KRCC1: variants seen among roughly 807,000 people sequenced by gnomAD.
The protein encoded by KRCC1 is lysine-rich coiled-coil protein 1.
KRCC1 carries 3 observed loss-of-function variants against 7.4 expected under a neutral mutation model. That is an observed-to-expected ratio of 0.40 (90% CI 0.18 to 1.04). The LOEUF (loss-of-function observed/expected upper bound fraction) is 1.04, where lower values mean the gene tolerates loss of function less well. Among genes scored for constraint, KRCC1 ranks in the 50% least tolerant of loss-of-function variants. KRCC1 has a pLI of 0.33. For missense variants in KRCC1, 277 were observed against 300.9 expected, an observed-to-expected ratio of 0.92 and a Z score of 0.59; for synonymous variants, 102 against 101.6, an observed-to-expected ratio of 1.00 and a Z score of -0.02.
At chr2:88,043,684 A>G (rs1219631563) in intron 1 of KRCC1, among the ~76,000 whole-genome samples, 3 of 152,188 alleles carry the variant, frequency 2.0e-5, no homozygotes, top group Non-Finnish European at 4.4e-5. Context: ...TAACTTTTTT[A>G]TGGAGATGAA....
Position 88,031,999 on chromosome 2 carries a change from T to C in KRCC1, c.-23+2135A>G, listed in dbSNP as rs1431589886. On this transcript the variant is annotated intron_variant, in intron 3 of 3. Transcript: ENST00000347055. Reference sequence around the variant, plus strand: ...CTCTAGTAATAATACAAAAATTAGCTGGGTGTGGTGTGGGCACCTGTAATC... The same window carrying C: ...CTCTAGTAATAATACAAAAATTAGCCGGGTGTGGTGTGGGCACCTGTAATC... Among the ~76,000 whole-genome samples the C allele has an allele frequency of 2.6e-5, 4 of 151,558 alleles. No homozygotes were observed. In the South Asian group the frequency reaches 8.3e-4, roughly 32 times the overall value.
intron 1 of KRCC1, among the ~76,000 whole-genome samples, chr2:88,054,466 A>G (rs1361253196): frequency 6.6e-6 from 1 of 152,090 alleles, no homozygotes; most frequent in East Asian, 1.9e-4. Context: ...TTTCTCAAGG[A>G]CCTGAAAGCC....
intron 1 of KRCC1, among the ~76,000 whole-genome samples, chr2:88,044,863 AT>A (rs11302450): frequency 0.49 from 51,189 of 105,482 alleles, 11,037 homozygotes; most frequent in East Asian, 0.65. Flanking sequence ...GAGTTTGATA[AT>A]TTTTTTTTTT....
rs1348843861 is a variant in KRCC1, at chr2:88,027,873, C to T, written c.691G>A (p.Glu231Lys). 1 of 1,613,540 alleles carries T rather than the reference C, an allele frequency of 6.2e-7. No individual in the cohort carries two copies. Among genetic ancestry groups the T allele is most frequent in the Admixed American group, 1.7e-5 (1 of 59,920 alleles). Residue 231 changes from glutamate (E) to lysine (K), a missense_variant, in exon 4 of 4, where the codon GAA becomes AAA. Coordinates refer to ENST00000347055, the MANE Select transcript of KRCC1 (RefSeq NM_016618.3). ...TTTTTCTTTTTTGTACGCTTACGTT[C>T]CTCTTTCTTAGAGACTACATCTCGG... Reference protein sequence around the residue: ...KSRDVVSKKEERKRTKKKKEQ... With the variant: ...KSRDVVSKKEKRKRTKKKKEQ...
At chr2:88,052,659 T>C (rs1423585358) in intron 1 of KRCC1, among the ~76,000 whole-genome samples, 1 of 152,242 alleles carries the variant, frequency 6.6e-6, no homozygotes, top group Non-Finnish European at 1.5e-5. Context: ...GATGACCAGT[T>C]ATAAAGCTAG....
At chr2:88,048,546 CT>C (rs932439241) in intron 1 of KRCC1, among the ~76,000 whole-genome samples, 3 of 152,164 alleles carry the variant, frequency 2.0e-5, no homozygotes, top group Non-Finnish European at 1.5e-5. Context: ...AGAACTTGTA[CT>C]TTACTCCCCT....
chr2:88,027,391 AAACC>A lies in KRCC1; in HGVS notation c.*389_*392del. 1 of 161,636 alleles carries A rather than the reference AAACC, an allele frequency of 6.2e-6. No individual in the cohort carries two copies. 10.0% of individuals were successfully genotyped at this position (161,636 alleles called of 1,614,324 possible). On this transcript the variant is annotated 3_prime_UTR_variant, in exon 4 of 4. Coordinates refer to ENST00000347055, the MANE Select transcript of KRCC1 (RefSeq NM_016618.3). ...GAGAAAAAAATTGCTTCACAGAGAAAAACCAATGAACATAAAATACCCAACTCAA... is the reference window on the plus strand; with the variant it reads ...GAGAAAAAAATTGCTTCACAGAGAAAAATGAACATAAAATACCCAACTCAA...
At chr2:88,048,159 A>G (rs970269073) in intron 1 of KRCC1, among the ~76,000 whole-genome samples, 6 of 149,424 alleles carry the variant, frequency 4.0e-5, no homozygotes, top group African/African-American at 1.2e-4. Flanking sequence ...CTCGGCTCAC[A>G]GCAACCTTCA....
At chr2:88,031,644 A>T (rs1173141525) in intron 3 of KRCC1, among the ~76,000 whole-genome samples, 4 of 151,318 alleles carry the variant, frequency 2.6e-5, no homozygotes, top group African/African-American at 7.3e-5. Flanking sequence ...AAATAAAAAT[A>T]AAAAAAAAGT....
intron 1 of KRCC1, among the ~76,000 whole-genome samples, chr2:88,052,272 T>C (rs1237433073): frequency 2.6e-5 from 4 of 152,378 alleles, no homozygotes; most frequent in African/African-American, 9.6e-5. Context: ...CTTTGCATCA[T>C]GTCCAATACT....
At chr2:88,050,866 GATTA>G (rs758654484) in intron 1 of KRCC1, among the ~76,000 whole-genome samples, 22 of 150,526 alleles carry the variant, frequency 1.5e-4, no homozygotes, top group South Asian at 4.2e-4. Flanking sequence ...GGATTTTTGT[GATTA>G]ATTTTTTCCA....
chr2:88,033,657 TTTTAC>T (rs1413412040), intron 3 of KRCC1, among the ~76,000 whole-genome samples: 1 of 152,204 alleles, frequency 6.6e-6, no homozygotes, highest in Non-Finnish European at 1.5e-5. Flanking sequence ...AATAAAAAGA[TTTTAC>T]TTTACATCTA....
chr2:88,029,564 T>A (rs1214244538), intron 3 of KRCC1, among the ~76,000 whole-genome samples: 1 of 151,986 alleles, frequency 6.6e-6, no homozygotes, highest in African/African-American at 2.4e-5. Flanking sequence ...GAAAAAAGCA[T>A]TCTAGAATGT....
intron 3 of KRCC1, 57 bp from the exon 4 acceptor site, chr2:88,028,642 C>T (rs867323053): frequency 7.9e-5 from 54 of 682,152 alleles, no homozygotes; most frequent in Admixed American, 4.9e-4. Context: ...ATTTCCTTTG[C>T]TCTTTTTTTT....
At chr2:88,037,394 A>T (rs556156295) in intron 1 of KRCC1, among the ~76,000 whole-genome samples, 1 of 152,188 alleles carries the variant, frequency 6.6e-6, no homozygotes, top group Admixed American at 6.5e-5. Context: ...CGATTTTAAG[A>T]CAGCTAATGA....
At chr2:88,053,372 G>A in intron 1 of KRCC1, among the ~76,000 whole-genome samples, 1 of 148,448 alleles carries the variant, frequency 6.7e-6, no homozygotes, top group African/African-American at 2.4e-5. Flanking sequence ...CATATTTAAA[G>A]TCATTGCAAA....
At chr2:88,039,071 A>G (rs1174686602) in intron 1 of KRCC1, among the ~76,000 whole-genome samples, 1 of 152,146 alleles carries the variant, frequency 6.6e-6, no homozygotes, top group African/African-American at 2.4e-5. Flanking sequence ...CTTGTGTGTT[A>G]GCTCAGTATC....
intron 1 of KRCC1, among the ~76,000 whole-genome samples, chr2:88,043,319 C>T (rs1673252634): frequency 6.6e-6 from 1 of 152,186 alleles, no homozygotes; most frequent in South Asian, 2.1e-4. Flanking sequence ...TTCTTGAACT[C>T]TAGTCTTAAA....
Position 88,028,386 on chromosome 2 carries a change from C to G in KRCC1, c.178G>C (p.Asp60His). The G allele has an allele frequency of 6.2e-7, 1 of 1,614,138 alleles. No homozygotes were observed. ...ATGGTTTCAGATGGGAGTCTCTGGT[C>G]AAACATTCTATACGTGGGTCTGGAA... ...VNSRPTYRMFDQRLPSETIQT... is the reference protein window; with the variant it reads ...VNSRPTYRMFHQRLPSETIQT... Residue 60 changes from aspartate (D) to histidine (H), a missense_variant, in exon 4 of 4, where the codon GAC (aspartate) becomes CAC (histidine). By Grantham distance (81) the Asp-to-His change is moderately conservative. Transcript: ENST00000347055.
Sources: allele counts gnomAD v4.1 joint callset (sites outside exome capture counted in the v4.1 genomes callset), GRCh38; gene constraint gnomAD v4.1.1; transcripts MANE v1.5; gene names NCBI Gene and HGNC (gene_info 2026-07-23, HGNC 2026-07-21).